Variants in PAPOLG observed in about 807,000 individuals in gnomAD.
PAPOLG encodes the protein poly(A) polymerase gamma, also known as PAP-gamma.
In PAPOLG, 40 loss-of-function variants were observed where a neutral mutation model predicts 99.0. The observed-to-expected ratio is 0.40, with a 90% CI of 0.31 to 0.53. The LOEUF is 0.53. PAPOLG is among the 20% of genes least tolerant of loss of function. The pLI is 0.41. For missense variants in PAPOLG, 675 were observed against 884.1 expected, an observed-to-expected ratio of 0.76 and a Z score of 3.00; for synonymous variants, 310 against 299.3, an observed-to-expected ratio of 1.04 and a Z score of -0.37.
intron 3 of PAPOLG, among the ~76,000 whole-genome samples, chr2:60,764,795 T>C (rs1253032911): frequency 6.6e-6 from 1 of 152,174 alleles, no homozygotes; most frequent in African/African-American, 2.4e-5. Context: ...AATTGGTTCT[T>C]TTAAACAGTG....
At chr2:60,785,026 C>T (rs537553676) in intron 13 of PAPOLG, among the ~76,000 whole-genome samples, 1 of 152,280 alleles carries the variant, frequency 6.6e-6, no homozygotes, top group East Asian at 1.9e-4. Context: ...CATTAATAAG[C>T]AAGCTGCCAT....
chr2:60,785,284 G>A (rs1344904835), intron 13 of PAPOLG, among the ~76,000 whole-genome samples: 4 of 151,950 alleles, frequency 2.6e-5, no homozygotes, highest in Non-Finnish European at 2.9e-5. Flanking sequence ...GACTACAGGC[G>A]CCCGCACCTC....
At chr2:60,769,378 G>C (rs551794977) in intron 5 of PAPOLG, among the ~76,000 whole-genome samples, 1 of 152,150 alleles carries the variant, frequency 6.6e-6, no homozygotes, top group South Asian at 2.1e-4. Flanking sequence ...GCTGGCATTA[G>C]TCTTACAGAT....
intron 1 of PAPOLG, among the ~76,000 whole-genome samples, chr2:60,757,560 T>C (rs991980455): frequency 2.6e-5 from 4 of 152,232 alleles, no homozygotes; most frequent in African/African-American, 4.8e-5. Context: ...GTAACTTCTT[T>C]AGCACAACAT....
chr2:60,756,509 G>T lies in PAPOLG; in HGVS notation c.17+14G>T. ...AGAGATGTCTGCGTAAGTGGTGGGG[G>T]GCGGCGGTTGGGGTGAGGCGGGTAG... is the stretch of plus-strand genomic sequence containing the variant. On this transcript the variant is annotated intron_variant, in intron 1 of 21. Coordinates refer to ENST00000238714, the MANE Select transcript of PAPOLG (RefSeq NM_022894.4). The T allele has an allele frequency of 1.9e-6, 3 of 1,600,974 alleles. No individual in the cohort carries two copies. Among genetic ancestry groups the T allele is most frequent in the Non-Finnish European group, 1.7e-6 (2 of 1,174,142 alleles).
chr2:60,782,065 A>G, intron 11 of PAPOLG, 60 bp downstream of exon 11: 1 of 1,523,094 alleles, frequency 6.6e-7, no homozygotes, highest in Non-Finnish European at 9.1e-7. Context: ...TAACAGTTTT[A>G]TTCTCTGTTG....
chr2:60,758,422 A>ATTT (rs11340370), intron 1 of PAPOLG, among the ~76,000 whole-genome samples: 5 of 70,076 alleles, frequency 7.1e-5, no homozygotes, highest in African/African-American at 2.4e-4. Context: ...GCCTAATGAG[A>ATTT]TTTTTTTTTT....
At chr2:60,760,388 A>G (rs1670489125) in intron 2 of PAPOLG, 93 bp downstream of exon 2, 3 of 1,231,874 alleles carry the variant, frequency 2.4e-6, no homozygotes, top group Non-Finnish European at 1.1e-6. Context: ...CTCTAGATAC[A>G]GGTGCAGAAA....
intron 5 of PAPOLG, 128 bp downstream of exon 5, chr2:60,769,018 A>T: frequency 1.4e-6 from 1 of 704,320 alleles, no homozygotes. Flanking sequence ...GAGTAGCTTT[A>T]ATAAGTGATG....
At position 60,797,125 on chromosome 2, in the gene PAPOLG, A is replaced by G. The variant is rs772669970; in HGVS notation, c.2176A>G (p.Ile726Val). 4 of 1,614,142 alleles carry G rather than the reference A, an allele frequency of 2.5e-6. No individual in the cohort carries two copies. The Admixed American group carries it at 6.7e-5, about 27-fold the overall frequency. Residue 726 changes from isoleucine (I) to valine (V), a missense_variant, in exon 22 of 22, where the codon ATC (isoleucine) becomes GTC (valine). Physicochemically the swap from Ile to Val is conservative, Grantham distance 29. Coordinates refer to ENST00000238714, the MANE Select transcript of PAPOLG (RefSeq NM_022894.4). ...AGTTCCAGCAAACAACATCCGTGTC[A>G]TCAAAAATTCCATTCGACTGACCCT... ...SPVPANNIRV[I>V]KNSIRLTLNR
chr2:60,757,078 C>G (rs1462750406), intron 1 of PAPOLG, among the ~76,000 whole-genome samples: 2 of 152,058 alleles, frequency 1.3e-5, no homozygotes, highest in Non-Finnish European at 2.9e-5. Flanking sequence ...AGTTCCCGTA[C>G]TTGGCAAGAT....
Position 60,787,522 on chromosome 2 carries a change from T to A in PAPOLG, c.1298T>A (p.Val433Glu). The change falls in exon 15 of 22, where the codon GTA (valine) becomes GAA (glutamate). Residue 433 changes from valine (V) to glutamate (E), a missense_variant. By Grantham distance (121) the Val-to-Glu change is moderately radical (BLOSUM62 -2). Coordinates refer to ENST00000238714, the MANE Select transcript of PAPOLG (RefSeq NM_022894.4). The stretch of plus-strand genomic sequence containing the variant: ...ATTTTACTTTATAGCAACAATTACG[T>A]ATCAATGTGGTTCCTTGGGATAATT... ...NKEHHKDNNYVSMWFLGIIFR... is the reference protein window; with the variant it reads ...NKEHHKDNNYESMWFLGIIFR... 1.2e-6 allele frequency: 2 copies of A among 1,613,176 alleles called. No homozygotes were observed. The highest frequency in any genetic ancestry group is 1.7e-6 in the Non-Finnish European group (2 of 1,179,726).
At chr2:60,794,939 C>T (rs1171225269) in intron 20 of PAPOLG, 25 bp from the exon 21 acceptor site, 28 of 1,609,582 alleles carry the variant, frequency 1.7e-5, no homozygotes, top group Admixed American at 1.2e-4. Context: ...TTAGTTTTCA[C>T]TTGTGTTGAT....
intron 3 of PAPOLG, among the ~76,000 whole-genome samples, chr2:60,762,902 C>CAGGTGTG (rs1670562630): frequency 5.3e-5 from 8 of 151,956 alleles, no homozygotes; most frequent in African/African-American, 1.9e-4. Flanking sequence ...GCTGGGATTA[C>CAGGTGTG]AGCCTCGAGC....
intron 3 of PAPOLG, among the ~76,000 whole-genome samples, chr2:60,765,107 C>A (rs1670634126): frequency 1.3e-5 from 2 of 152,076 alleles, no homozygotes; most frequent in South Asian, 4.1e-4. Flanking sequence ...GTCTGTCTCC[C>A]AAGCTGGAGT....
intron 13 of PAPOLG, among the ~76,000 whole-genome samples, chr2:60,786,341 G>A (rs1336807144): frequency 4.7e-5 from 7 of 147,492 alleles, no homozygotes; most frequent in African/African-American, 1.0e-4. Flanking sequence ...AGCAATTCTC[G>A]TGCTTCAGCC....
chr2:60,770,599 T>A, intron 6 of PAPOLG, 88 bp downstream of exon 6: 1 of 815,612 alleles, frequency 1.2e-6, no homozygotes, highest in Non-Finnish European at 1.9e-6. Flanking sequence ...CATAAATGCA[T>A]ATTTTAAAAA....
At chr2:60,778,909 C>T (rs1232109247) in intron 8 of PAPOLG, among the ~76,000 whole-genome samples, 3 of 151,916 alleles carry the variant, frequency 2.0e-5, no homozygotes, top group African/African-American at 7.3e-5. Flanking sequence ...CTTGGCGGGA[C>T]ATAATATAGA....
intron 6 of PAPOLG, among the ~76,000 whole-genome samples, chr2:60,770,741 AG>A (rs969196354): frequency 5.9e-5 from 9 of 151,910 alleles, no homozygotes; most frequent in African/African-American, 1.7e-4. Flanking sequence ...CTTCCACCTG[AG>A]CCTCCTGAGT....
Sources: gnomAD v4.1 joint callset for allele counts (sites outside exome capture counted in the v4.1 genomes callset) on GRCh38, gnomAD v4.1.1 for gene constraint, MANE v1.5 for transcripts, NCBI Gene and HGNC (gene_info 2026-07-23, HGNC 2026-07-21) for gene names.